The following ADH1B variants were observed in gnomAD, a reference collection of about 807,000 sequenced individuals.
The protein encoded by ADH1B is all-trans-retinol dehydrogenase [NAD(+)] ADH1B.
ADH1B carries 29 observed loss-of-function variants against 34.6 expected under a neutral mutation model. That is an observed-to-expected ratio of 0.84 (90% CI 0.62 to 1.14). ADH1B has a LOEUF of 1.14. Among genes scored for constraint, ADH1B ranks in the 50% most tolerant of loss-of-function variants. ADH1B has a pLI of 0.00. For synonymous variants in ADH1B, 170 were observed against 175.5 expected (o/e 0.97, Z 0.25); for missense variants, 424 against 468.4 (o/e 0.91, Z 0.87).
intron 6 of ADH1B, among the ~76,000 whole-genome samples, chr4:99,313,150 C>T (rs1234079555): frequency 2.0e-5 from 3 of 151,864 alleles, no homozygotes; most frequent in African/African-American, 4.8e-5. Context: ...CCTCAGCCTC[C>T]GGAGTAGCTG....
intron 5 of ADH1B, chr4:99,314,381 C>T (rs1490611566): frequency 2.6e-5 from 10 of 391,172 alleles, no homozygotes; most frequent in Non-Finnish European, 4.5e-5. Context: ...GACTCAGTCC[C>T]CAGGTGACTC....
rs28914789 is a variant in ADH1B, at chr4:99,307,381, A to AT, written c.*458dup. 2,154 of 183,370 alleles carry AT rather than the reference A, an allele frequency of 0.012. 41 individuals are homozygous for AT. The highest frequency in any genetic ancestry group is 0.048 in the African/African-American group (2,002 of 41,742). The allele number at this position is 183,370 out of a possible 1,614,324, so 11.4% of individuals were successfully genotyped here. ...AGCTTTTACCCCAGGGATTTGGTACATTTTTATTAGAAAAAGGAAAATGTC... is the reference window on the plus strand; with the variant it reads ...AGCTTTTACCCCAGGGATTTGGTACATTTTTTATTAGAAAAAGGAAAATGTC... On this transcript the variant is annotated 3_prime_UTR_variant, in exon 9 of 9. Transcript: ENST00000305046.
At chr4:99,319,230 GA>G (rs982699734) in intron 1 of ADH1B, 43 of 356,058 alleles carry the variant, frequency 1.2e-4, no homozygotes, top group African/African-American at 8.9e-4. Context: ...GCTGATATAT[GA>G]AGTTAGAAGT....
chr4:99,312,737 C>T (rs1329795036), intron 6 of ADH1B, among the ~76,000 whole-genome samples: 1 of 152,118 alleles, frequency 6.6e-6, no homozygotes, highest in Non-Finnish European at 1.5e-5. Flanking sequence ...CCTATACTCT[C>T]AGCATTTTTG....
intron 1 of ADH1B, chr4:99,320,886 T>G (rs1734008108): frequency 7.9e-7 from 1 of 1,269,940 alleles, no homozygotes; most frequent in African/African-American, 1.5e-5. Flanking sequence ...GTCAAATTCC[T>G]CTCATCAAAC....
At position 99,305,938 on chromosome 4, in the gene ADH1B, T is replaced by C. The variant is rs1433652952; in HGVS notation, c.*1902A>G. 3.3e-5 allele frequency: 5 copies of C among 152,194 alleles called. No individual in the cohort carries two copies. Among genetic ancestry groups the C allele is most frequent in the Non-Finnish European group, 7.3e-5 (5 of 68,060 alleles). The allele number at this position is 152,194 out of a possible 1,614,324, so 9.4% of individuals were successfully genotyped here. ...CCGCAGAGCACCCAGCAACAGGTAG[T>C]GTCCCATGATGATGTTATCTTACGG... On this transcript the variant is annotated 3_prime_UTR_variant, in exon 9 of 9. Coordinates refer to ENST00000305046, the MANE Select transcript of ADH1B (RefSeq NM_000668.6).
chr4:99,318,042 G>A lies in ADH1B; in HGVS notation c.259+4C>T, dbSNP rs1181137707. On this transcript the variant is annotated splice_donor_region_variant and intron_variant, in intron 3 of 8. Coordinates refer to ENST00000305046, the MANE Select transcript of ADH1B (RefSeq NM_000668.6). ...CACGTGTTCCCTGAGTGTGAATCCT[G>A]TACCTGGTTTGACTGTAGTCACCCC... The A allele has an allele frequency of 1.2e-6, 2 of 1,613,794 alleles. No individual in the cohort carries two copies. Among genetic ancestry groups the A allele is most frequent in the Admixed American group, 1.7e-5 (1 of 59,956 alleles).
chr4:99,318,541 G>T, intron 2 of ADH1B: 1 of 510,864 alleles, frequency 2.0e-6, no homozygotes, highest in South Asian at 3.2e-5. Context: ...ATATCCTTTG[G>T]AATTTTTTTC....
chr4:99,311,412 A>C, intron 7 of ADH1B, 109 bp downstream of exon 7: 2 of 1,332,292 alleles, frequency 1.5e-6, no homozygotes, highest in East Asian at 2.3e-5. Context: ...ATTTGTTTTC[A>C]AAATCTTGCC....
chr4:99,313,852 G>T lies in ADH1B; in HGVS notation c.797C>A (p.Ser266Ter). 2 of 1,614,016 alleles carry T rather than the reference G, an allele frequency of 1.2e-6. No homozygotes were observed. The highest frequency in any genetic ancestry group is 1.3e-5 in the African/African-American group (1 of 75,052). The change falls in exon 6 of 9, where the codon TCG becomes TAG. Residue 266 changes from serine to a stop codon, truncating the protein, a stop_gained. Transcript: ENST00000305046. LOFTEE classifies it high-confidence loss of function. ...GTCAAGCCGACCGATGACTTCAAAC[G>T]AAAAATCCACACCTCCATCAGTCAT... ...KEMTDGGVDF[S>*]FEVIGRLDTM...
chr4:99,319,068 T>G, intron 1 of ADH1B, 182 bp from the exon 2 acceptor site: 1 of 768,236 alleles, frequency 1.3e-6, no homozygotes, highest in Non-Finnish European at 2.3e-6. Flanking sequence ...AGCAATAACA[T>G]AAGGAAAGAT....
Position 99,309,918 on chromosome 4 carries a change from T to C in ADH1B, c.1103+847A>G, listed in dbSNP as rs1733706717. Among the ~76,000 whole-genome samples, 3 of 152,252 alleles carry C rather than the reference T, an allele frequency of 2.0e-5. No homozygotes were observed. The South Asian group carries it at 6.2e-4, about 32-fold the overall frequency. ...TTTCTTTCCTTCCTCAAGAATGTTG[T>C]CGGTTAAAGTACCTAGTATAATGAT... is the stretch of plus-strand genomic sequence containing the variant. On this transcript the variant is annotated intron_variant, in intron 8 of 8. Transcript: ENST00000305046.
chr4:99,311,239 C>T (rs1288329832), intron 7 of ADH1B, among the ~76,000 whole-genome samples: 1 of 152,108 alleles, frequency 6.6e-6, no homozygotes, highest in Non-Finnish European at 1.5e-5. Flanking sequence ...CTAAAAATTT[C>T]CATGCCTTAC....
chr4:99,315,743 A>T (rs1168572944), intron 5 of ADH1B, 155 bp downstream of exon 5: 1 of 797,000 alleles, frequency 1.3e-6, no homozygotes, highest in Non-Finnish European at 2.0e-6. Context: ...TGAAATTTCT[A>T]GCATGTGTAC....
intron 7 of ADH1B, 129 bp from the exon 8 acceptor site, chr4:99,311,032 A>C (rs1263216814): frequency 9.1e-7 from 1 of 1,104,828 alleles, no homozygotes; most frequent in Non-Finnish European, 1.3e-6. Flanking sequence ...GAGGATAAGA[A>C]GAGATACAGT....
chr4:99,313,652 GAGA>G (rs1733804968), intron 6 of ADH1B, 166 bp downstream of exon 6: 6 of 1,282,242 alleles, frequency 4.7e-6, no homozygotes, highest in Admixed American at 2.5e-5. Flanking sequence ...ATTGATGGAA[GAGA>G]AGATTTCTCA....
rs1287673673 is a variant in ADH1B at position 99,307,354 on chromosome 4, CT to C, written c.*485del. The C allele has an allele frequency of 5.6e-6, 1 of 178,548 alleles. No individual in the cohort carries two copies. Among genetic ancestry groups the C allele is most frequent in the Non-Finnish European group, 1.2e-5 (1 of 86,672 alleles). The allele number at this position is 178,548 out of a possible 1,614,324, so 11.1% of individuals were successfully genotyped here. A position where few individuals can be genotyped will look rare whatever the true frequency, so the allele number is the denominator to read the frequency against. ...ATGTGAGTCTATCCTTTACCTTACC[CT>C]AGCTTTTACCCCAGGGATTTGGTAC... On this transcript the variant is annotated 3_prime_UTR_variant, in exon 9 of 9. Transcript: ENST00000305046.
intron 6 of ADH1B, among the ~76,000 whole-genome samples, chr4:99,313,283 T>C (rs1490962723): frequency 6.6e-6 from 1 of 152,138 alleles, no homozygotes; most frequent in African/African-American, 2.4e-5. Flanking sequence ...CCAGGCACTG[T>C]CCAGTTTCTG....
Position 99,307,739 on chromosome 4 carries a change from T to A in ADH1B, c.*101A>T, listed in dbSNP as rs1733647334. ...CCCCATGTGTAATTTATTGATAACA[T>A]CTCTGAAGAGCTGAATTAATGATAT... On this transcript the variant is annotated 3_prime_UTR_variant, in exon 9 of 9. Transcript: ENST00000305046. 33 of 1,381,554 alleles carry A rather than the reference T, an allele frequency of 2.4e-5. 1 individual carries two copies. In the South Asian group the frequency reaches 3.8e-4, roughly 16 times the overall value. 85.6% of individuals were successfully genotyped at this position (1,381,554 alleles called of 1,614,324 possible). A position where few individuals can be genotyped will look rare whatever the true frequency, so the allele number is the denominator to read the frequency against.
Sources: allele counts gnomAD v4.1 joint callset (sites outside exome capture counted in the v4.1 genomes callset), GRCh38; gene constraint gnomAD v4.1.1; transcripts MANE v1.5; gene names NCBI Gene and HGNC (gene_info 2026-07-23, HGNC 2026-07-21).